The following DUSP16 variants were observed in gnomAD, a reference collection of about 807,000 sequenced individuals.
DUSP16 encodes dual specificity protein phosphatase 16.
DUSP16 carries 21 observed loss-of-function variants against 58.3 expected under a neutral mutation model. That is an observed-to-expected ratio of 0.36 (90% CI 0.26 to 0.52). DUSP16 has a LOEUF of 0.52. Among genes scored for constraint, DUSP16 ranks in the 20% least tolerant of loss-of-function variants. The probability of loss-of-function intolerance (pLI) is 0.94; values close to 1 mark genes in which losing one functional copy is unlikely to be tolerated. For missense variants in DUSP16, 726 were observed against 819.0 expected (o/e 0.89, Z 1.39); for synonymous variants, 320 against 323.8 (o/e 0.99, Z 0.12).
In DUSP16 at chr12:12,477,300, C is replaced by T. The variant is rs2136184830; in HGVS notation, c.1531G>A (p.Asp511Asn). The change falls in exon 7 of 7, where the codon GAC (aspartate) becomes AAC (asparagine). Residue 511 changes from aspartate (D) to asparagine (N), a missense_variant. Physicochemically the swap from Asp to Asn is conservative, Grantham distance 23. Transcript: ENST00000298573. This position sits in a 1 kb window ranked among gnomAD's most constrained non-coding sequence, Gnocchi z 4.1. ...SPLHRSGSVE[D>N]NYHTSFLFGL... is the part of the protein sequence containing the mutation. ...AAAAGGAAGCTGGTGTGGTAATTGTCCTCCACGCTCCCACTTCGATGCAGT... is the reference window on the plus strand; with the variant it reads ...AAAAGGAAGCTGGTGTGGTAATTGTTCTCCACGCTCCCACTTCGATGCAGT... The T allele has an allele frequency of 6.2e-7, 1 of 1,614,242 alleles. No individual in the cohort carries two copies. The highest frequency in any genetic ancestry group is 2.2e-5 in the East Asian group (1 of 44,876).
intron 1 of DUSP16, among the ~76,000 whole-genome samples, chr12:12,533,755 T>C (rs1488638529): frequency 3.3e-5 from 5 of 152,092 alleles, no homozygotes; most frequent in African/African-American, 9.7e-5. Flanking sequence ...CAGGAGACCT[T>C]GTTCCTAATT....
chr12:12,548,666 G>GA (rs200135394), intron 1 of DUSP16, among the ~76,000 whole-genome samples: 3 of 141,316 alleles, frequency 2.1e-5, no homozygotes, highest in Non-Finnish European at 4.6e-5. Flanking sequence ...AAAAGAAAAA[G>GA]AAAAAAAAGA....
chr12:12,501,431 G>A (rs1943908899), intron 3 of DUSP16, among the ~76,000 whole-genome samples: 1 of 152,190 alleles, frequency 6.6e-6, no homozygotes, highest in Admixed American at 6.5e-5. Flanking sequence ...TCTGCTCTAT[G>A]ACCTTCACTA....
chr12:12,547,110 T>C (rs1022100041), intron 1 of DUSP16, among the ~76,000 whole-genome samples: 1 of 152,200 alleles, frequency 6.6e-6, no homozygotes, highest in African/African-American at 2.4e-5. Context: ...GAATTTGGAC[T>C]GGTGTTTTGT....
intron 1 of DUSP16, among the ~76,000 whole-genome samples, chr12:12,521,792 T>C (rs1944241335): frequency 6.6e-6 from 1 of 152,232 alleles, no homozygotes; most frequent in Non-Finnish European, 1.5e-5. Context: ...CTTGAAGTAT[T>C]ATTATTCCAA....
At chr12:12,534,151 G>T (rs1944431783) in intron 1 of DUSP16, among the ~76,000 whole-genome samples, 1 of 152,154 alleles carries the variant, frequency 6.6e-6, no homozygotes, top group Non-Finnish European at 1.5e-5. Flanking sequence ...TGGGGATTTT[G>T]TTACTCTACC....
intron 2 of DUSP16, among the ~76,000 whole-genome samples, chr12:12,520,587 C>T (rs193133464): frequency 8.5e-5 from 13 of 152,268 alleles, no homozygotes; most frequent in Admixed American, 7.8e-4. Flanking sequence ...AGTAAATTTG[C>T]AGATAATATA....
intron 5 of DUSP16, among the ~76,000 whole-genome samples, chr12:12,481,911 T>C (rs1317655845): frequency 6.6e-6 from 1 of 152,228 alleles, no homozygotes; most frequent in African/African-American, 2.4e-5. Flanking sequence ...CTAAGGTTTC[T>C]ACTCAATTTC....
intron 5 of DUSP16, among the ~76,000 whole-genome samples, chr12:12,485,935 A>T (rs2136196049): frequency 6.6e-6 from 1 of 151,786 alleles, no homozygotes; most frequent in Non-Finnish European, 1.5e-5. Flanking sequence ...CTGGGACTAC[A>T]GGTTCCTGTC....
intron 5 of DUSP16, among the ~76,000 whole-genome samples, chr12:12,484,144 A>C (rs1943632510): frequency 6.6e-6 from 1 of 152,084 alleles, no homozygotes; most frequent in African/African-American, 2.4e-5. Flanking sequence ...ACAACAAAAA[A>C]CCCCACAGAG....
At chr12:12,513,720 A>T (rs1473362790) in intron 3 of DUSP16, among the ~76,000 whole-genome samples, 2 of 152,238 alleles carry the variant, frequency 1.3e-5, no homozygotes, top group Non-Finnish European at 2.9e-5. Context: ...TACTGGGGAA[A>T]GAGAAGGACA....
At chr12:12,551,173 A>G (rs1434315789) in intron 1 of DUSP16, among the ~76,000 whole-genome samples, 1 of 152,032 alleles carries the variant, frequency 6.6e-6, no homozygotes, top group African/African-American at 2.4e-5. Flanking sequence ...ATTTTCTCTA[A>G]AATGAATAAA....
chr12:12,511,307 C>T (rs930369395), intron 3 of DUSP16, among the ~76,000 whole-genome samples: 9 of 152,236 alleles, frequency 5.9e-5, no homozygotes, highest in South Asian at 2.1e-4. Flanking sequence ...TAAGAGATGA[C>T]AGGTATTGCA....
chr12:12,530,445 A>G (rs920646205), intron 1 of DUSP16, among the ~76,000 whole-genome samples: 2 of 152,130 alleles, frequency 1.3e-5, no homozygotes, highest in African/African-American at 4.8e-5. Context: ...ATTTTCTCCC[A>G]TTCTGTAGGT....
In DUSP16 at chr12:12,521,092, G is replaced by T. The variant is rs139487616; in HGVS notation, c.7C>A (p.His3Asn). The T allele has an allele frequency of 1.5e-4, 243 of 1,613,916 alleles. No individual in the cohort carries two copies. The highest frequency in any genetic ancestry group is 2.0e-4 in the Non-Finnish European group (232 of 1,180,006). Reference sequence around the variant, plus strand: ...ACAATTTGAGTTCCAATCATCTCATGGGCCATGACAACAATAAGTCCTCTT... The same window carrying T: ...ACAATTTGAGTTCCAATCATCTCATTGGCCATGACAACAATAAGTCCTCTT... Reference protein sequence around the residue: MAHEMIGTQIVTE... With the variant: MANEMIGTQIVTE... Residue 3 changes from histidine (H) to asparagine (N), a missense_variant, in exon 2 of 7, where the codon CAT (histidine) becomes AAT (asparagine). By Grantham distance (68) the His-to-Asn change is moderately conservative. Transcript: ENST00000298573.
chr12:12,498,986 A>G lies in DUSP16; in HGVS notation c.531+1533T>C, dbSNP rs188764690. Among the ~76,000 whole-genome samples, 259 of 152,112 alleles carry G rather than the reference A, an allele frequency of 1.7e-3. 2 individuals are homozygous for G. Among genetic ancestry groups the G allele is most frequent in the African/African-American group, 5.6e-3 (234 of 41,474 alleles). On this transcript the variant is annotated intron_variant, in intron 4 of 6. Coordinates refer to ENST00000298573, the MANE Select transcript of DUSP16 (RefSeq NM_030640.3). ...CCAGAGTTAAAAAAAGAAAACTACT[A>G]TTTTTCCCATCCTCAACTCCAAATT...
chr12:12,533,470 G>A (rs546513320), intron 1 of DUSP16, among the ~76,000 whole-genome samples: 2 of 152,302 alleles, frequency 1.3e-5, no homozygotes, highest in Admixed American at 1.3e-4. Context: ...AGGCCCTGCG[G>A]CTAAAAATAA....
chr12:12,553,865 T>C (rs144078479), intron 1 of DUSP16, among the ~76,000 whole-genome samples: 35 of 152,306 alleles, frequency 2.3e-4, no homozygotes, highest in East Asian at 1.9e-3. Flanking sequence ...ATTTTCCTTA[T>C]TCTTAAAATT....
intron 1 of DUSP16, among the ~76,000 whole-genome samples, chr12:12,549,154 ACAT>A (rs1944691189): frequency 6.6e-6 from 1 of 152,142 alleles, no homozygotes; most frequent in Non-Finnish European, 1.5e-5. Context: ...TTTACCATCG[ACAT>A]CATTATTAGG....
Sources: allele counts gnomAD v4.1 joint callset (sites outside exome capture counted in the v4.1 genomes callset), GRCh38; gene constraint gnomAD v4.1.1; non-coding constraint Gnocchi (gnomAD v3.1); transcripts MANE v1.5; gene names NCBI Gene and HGNC (gene_info 2026-07-23, HGNC 2026-07-21).